The following MTUS2 variants were observed in gnomAD, a reference collection of about 807,000 sequenced individuals.
The protein encoded by MTUS2 is microtubule-associated tumor suppressor candidate 2.
A neutral mutation model predicts 114.1 loss-of-function variants in MTUS2; 40 were observed. The observed-to-expected ratio is 0.35, with a 90% confidence interval of 0.27 to 0.46. The LOEUF (loss-of-function observed/expected upper bound fraction) is 0.46, where lower values mean the gene tolerates loss of function less well. Ranked by LOEUF, MTUS2 falls within the 20% of genes least tolerant of loss-of-function variation. MTUS2 has a pLI of 1.00. For synonymous variants in MTUS2, 688 were observed against 672.0 expected, an observed-to-expected ratio of 1.02 and a Z score of -0.37; for missense variants, 1,679 against 1,705.4, an observed-to-expected ratio of 0.98 and a Z score of 0.27.
At chr13:29,459,033 G>T (rs763365473) in intron 9 of MTUS2, among the ~76,000 whole-genome samples, 5 of 152,244 alleles carry the variant, frequency 3.3e-5, no homozygotes, top group Non-Finnish European at 5.9e-5. Context: ...AAGAGAAAGA[G>T]AAAGCAAAGG....
At chr13:29,206,362 G>A (rs1355358741) in intron 5 of MTUS2, among the ~76,000 whole-genome samples, 1 of 152,138 alleles carries the variant, frequency 6.6e-6, no homozygotes, top group Non-Finnish European at 1.5e-5. Flanking sequence ...TGGGTTGTCT[G>A]TTCACTCTGC....
At chr13:29,337,636 C>T (rs4511379) in intron 7 of MTUS2, among the ~76,000 whole-genome samples, 39,544 of 148,896 alleles carry the variant, frequency 0.27, 5,924 homozygotes, top group African/African-American at 0.41. Context: ...GGGTCTCACT[C>T]GGTCACCCAG....
intron 2 of MTUS2, among the ~76,000 whole-genome samples, chr13:28,872,136 C>G (rs1243938035): frequency 3.3e-5 from 5 of 152,150 alleles, no homozygotes; most frequent in Admixed American, 6.5e-5. Flanking sequence ...AGGAGCCCAG[C>G]TGGGAGGCTC....
chr13:29,253,833 AG>A (rs1897208589), intron 5 of MTUS2, among the ~76,000 whole-genome samples: 4 of 101,164 alleles, frequency 4.0e-5, no homozygotes, highest in African/African-American at 2.5e-4. Flanking sequence ...GCAGGCAAAG[AG>A]AGAGAGAGAG....
At chr13:29,394,815 C>T (rs1399936938) in intron 8 of MTUS2, among the ~76,000 whole-genome samples, 1 of 152,216 alleles carries the variant, frequency 6.6e-6, no homozygotes, top group Non-Finnish European at 1.5e-5. Context: ...CATAGGAACA[C>T]AAACCCTGTT....
intron 9 of MTUS2, among the ~76,000 whole-genome samples, chr13:29,450,495 G>A (rs369609550): frequency 2.6e-4 from 39 of 152,064 alleles, no homozygotes; most frequent in African/African-American, 9.2e-4. Flanking sequence ...TTCCTCTCTC[G>A]CCCAGCTTTA....
intron 4 of MTUS2, among the ~76,000 whole-genome samples, chr13:29,056,262 G>A (rs1337024215): frequency 6.6e-6 from 1 of 151,908 alleles, no homozygotes; most frequent in Non-Finnish European, 1.5e-5. Context: ...TTTTGTATGT[G>A]GTGTAAAGAA....
At chr13:29,159,665 A>G (rs908559893) in intron 5 of MTUS2, among the ~76,000 whole-genome samples, 1 of 152,204 alleles carries the variant, frequency 6.6e-6, no homozygotes, top group African/African-American at 2.4e-5. Flanking sequence ...AAAAAATCCA[A>G]TTAGAACGTA....
chr13:29,103,029 C>T lies in MTUS2; in HGVS notation c.2644+2059C>T, dbSNP rs191605459. On this transcript the variant is annotated intron_variant, in intron 5 of 15. Coordinates refer to ENST00000612955, the MANE Select transcript of MTUS2 (RefSeq NM_001033602.4). Reference sequence around the variant, plus strand: ...GCTTTGCTGGTTCAGCTCATGGAAACAGCCAATGTGGTATCAGAATCGGTC... The same window carrying T: ...GCTTTGCTGGTTCAGCTCATGGAAATAGCCAATGTGGTATCAGAATCGGTC... 2.2e-4 allele frequency among the ~76,000 whole-genome samples: 33 copies of T among 152,298 alleles called. No homozygotes were observed. In the East Asian group the frequency reaches 3.3e-3, roughly 15 times the overall value.
intron 12 of MTUS2, among the ~76,000 whole-genome samples, chr13:29,495,914 ATG>A (rs59958046): frequency 0.023 from 3,476 of 148,064 alleles, 112 homozygotes; most frequent in African/African-American, 0.078. Flanking sequence ...CTCTCTTTAT[ATG>A]TGTGTGTGTG....
chr13:29,268,290 G>A (rs1002191969), intron 5 of MTUS2, among the ~76,000 whole-genome samples: 4 of 152,128 alleles, frequency 2.6e-5, no homozygotes, highest in African/African-American at 4.8e-5. Context: ...GATGGACAGC[G>A]GATTTGAGGA....
At chr13:29,103,361 C>T (rs1593479173) in intron 5 of MTUS2, among the ~76,000 whole-genome samples, 1 of 152,154 alleles carries the variant, frequency 6.6e-6, no homozygotes, top group Non-Finnish European at 1.5e-5. Context: ...AGGCTGCAAA[C>T]CTATAGAGCA....
At chr13:29,115,154 G>A (rs1019139024) in intron 5 of MTUS2, among the ~76,000 whole-genome samples, 31 of 152,212 alleles carry the variant, frequency 2.0e-4, no homozygotes, top group Non-Finnish European at 3.4e-4. Flanking sequence ...TTGTGATTAA[G>A]AATGTCTAGA....
At chr13:29,115,203 T>G (rs542020892) in intron 5 of MTUS2, among the ~76,000 whole-genome samples, 21 of 116,918 alleles carry the variant, frequency 1.8e-4, no homozygotes, top group African/African-American at 6.4e-4. Context: ...ATGTCTAGTC[T>G]GCCAACAGAC....
At chr13:29,494,820 C>A (rs373376918) in intron 12 of MTUS2, among the ~76,000 whole-genome samples, 6 of 152,176 alleles carry the variant, frequency 3.9e-5, no homozygotes, top group African/African-American at 1.4e-4. Flanking sequence ...GGGCAGATCA[C>A]CTGAGGTCAG....
At chr13:29,069,126 TAGTC>T (rs1212702166) in intron 4 of MTUS2, among the ~76,000 whole-genome samples, 4 of 152,096 alleles carry the variant, frequency 2.6e-5, no homozygotes, top group Non-Finnish European at 4.4e-5. Context: ...ATTCCTTTAT[TAGTC>T]AGGGTTTTTC....
chr13:29,270,067 G>A (rs1897822621), intron 5 of MTUS2, among the ~76,000 whole-genome samples: 1 of 152,072 alleles, frequency 6.6e-6, no homozygotes, highest in African/African-American at 2.4e-5. Flanking sequence ...GGGAGGTGGG[G>A]GTGCTGCCGT....
intron 9 of MTUS2, among the ~76,000 whole-genome samples, chr13:29,471,650 T>TAC (rs1880307518): frequency 6.6e-6 from 1 of 151,874 alleles, no homozygotes; most frequent in Non-Finnish European, 1.5e-5. Flanking sequence ...CTCCCACTAT[T>TAC]ACCACACGGG....
intron 2 of MTUS2, among the ~76,000 whole-genome samples, chr13:28,995,927 C>T (rs1325530094): frequency 4.6e-5 from 7 of 152,170 alleles, no homozygotes; most frequent in Non-Finnish European, 7.3e-5. Context: ...GAACTTCCAA[C>T]ACTATGTTGA....
Sources: allele counts gnomAD v4.1 joint callset (sites outside exome capture counted in the v4.1 genomes callset), GRCh38; gene constraint gnomAD v4.1.1; transcripts MANE v1.5; gene names NCBI Gene and HGNC (gene_info 2026-07-23, HGNC 2026-07-21).